RBM47: variants seen among roughly 807,000 people sequenced by gnomAD.
RBM47 encodes RNA binding motif protein 47, also known as RNA-binding protein 47.
RBM47 carries 21 observed loss-of-function variants against 47.1 expected under a neutral mutation model. That is an observed-to-expected ratio of 0.45 (90% CI 0.32 to 0.64). The LOEUF is 0.64. RBM47 is among the 30% of genes least tolerant of loss of function. RBM47 has a pLI of 0.05. For missense variants in RBM47, 708 were observed against 870.9 expected (o/e 0.81, Z 2.35); for synonymous variants, 375 against 361.7 (o/e 1.04, Z -0.42).
intron 1 of RBM47, among the ~76,000 whole-genome samples, chr4:40,592,969 A>G (rs1013803606): frequency 0.13 from 2,794 of 22,240 alleles, 96 homozygotes; most frequent in South Asian, 0.2. Context: ...ATATATATAT[A>G]TATATATATA....
At chr4:40,431,753 A>AC (rs1716109285) in intron 6 of RBM47, among the ~76,000 whole-genome samples, 2 of 62,638 alleles carry the variant, frequency 3.2e-5, no homozygotes, top group Admixed American at 3.8e-4. Context: ...ATACACTATG[A>AC]AAAAGGTGGG....
rs1199535751 is a variant in RBM47, at chr4:40,423,924, G to A, written c.*1980C>T. The A allele has an allele frequency of 6.6e-6, 1 of 152,418 alleles. No individual in the cohort carries two copies. Among genetic ancestry groups the A allele is most frequent in the African/African-American group, 2.4e-5 (1 of 41,372 alleles). The allele number at this position is 152,418 out of a possible 1,614,324, so 9.4% of individuals were successfully genotyped here. ...TCGAGTCACTCATTCCCACAGATTT[G>A]AGTTTGAATGCAGCTTGTGGGGTAC... On this transcript the variant is annotated 3_prime_UTR_variant, in exon 7 of 7. Transcript: ENST00000295971.
At chr4:40,449,071 G>GGC (rs1275137259) in intron 3 of RBM47, among the ~76,000 whole-genome samples, 4 of 152,186 alleles carry the variant, frequency 2.6e-5, no homozygotes, top group Non-Finnish European at 5.9e-5. Flanking sequence ...CCCACTCTCG[G>GGC]GCAGGCCCCT....
chr4:40,573,655 G>A (rs1432968176), intron 1 of RBM47, among the ~76,000 whole-genome samples: 3 of 151,518 alleles, frequency 2.0e-5, no homozygotes, highest in African/African-American at 7.3e-5. Flanking sequence ...GCCTGAACCC[G>A]GGAGGCAGAG....
chr4:40,625,401 G>A (rs1276524545), intron 1 of RBM47, among the ~76,000 whole-genome samples: 1 of 152,130 alleles, frequency 6.6e-6, no homozygotes, highest in African/African-American at 2.4e-5. Flanking sequence ...CTGAAAGGTA[G>A]ATACTTTTTA....
chr4:40,434,608 TCA>T (rs1193865567), intron 5 of RBM47, among the ~76,000 whole-genome samples: 1 of 92,422 alleles, frequency 1.1e-5, no homozygotes, highest in Non-Finnish European at 3.0e-5. Flanking sequence ...AGCTGTGGGA[TCA>T]GTTTTACTTT....
intron 1 of RBM47, among the ~76,000 whole-genome samples, chr4:40,613,350 TA>T (rs555119621): frequency 6.7e-6 from 1 of 149,842 alleles, no homozygotes; most frequent in South Asian, 2.1e-4. Context: ...AGTCCCTCAA[TA>T]AAAAAAAAGT....
intron 3 of RBM47, among the ~76,000 whole-genome samples, chr4:40,457,120 A>C (rs1398108227): frequency 1.3e-5 from 2 of 152,024 alleles, no homozygotes; most frequent in Non-Finnish European, 2.9e-5. Flanking sequence ...AATTTTAAAA[A>C]ATTTTAAAAT....
At chr4:40,441,498 C>A (rs1265257383) in intron 3 of RBM47, among the ~76,000 whole-genome samples, 1 of 152,106 alleles carries the variant, frequency 6.6e-6, no homozygotes, top group Non-Finnish European at 1.5e-5. Flanking sequence ...TTTAAGAGGA[C>A]TATTTGCATA....
intron 2 of RBM47, among the ~76,000 whole-genome samples, chr4:40,498,002 CA>C (rs1236761734): frequency 7.1e-6 from 1 of 141,652 alleles, no homozygotes; most frequent in Non-Finnish European, 1.5e-5. Flanking sequence ...AAACCAAAAC[CA>C]AAACCAAAGT....
At position 40,616,215 on chromosome 4, in the gene RBM47, A is replaced by G. The variant is rs1031854725; in HGVS notation, c.-240+13181T>C. 6.6e-5 allele frequency among the ~76,000 whole-genome samples: 10 copies of G among 152,030 alleles called. 1 individual carries two copies. Among genetic ancestry groups the G allele is most frequent in the Admixed American group, 2.0e-4 (3 of 15,248 alleles). On this transcript the variant is annotated intron_variant, in intron 1 of 6. Coordinates refer to ENST00000295971, the MANE Select transcript of RBM47 (RefSeq NM_001098634.2). ...AAAAACACAAAAAAATTAGCCGGGC[A>G]TGGTGGCGGGCGCCTGTAGTCCCAG...
chr4:40,530,998 T>C (rs1304912836), intron 2 of RBM47, among the ~76,000 whole-genome samples: 1 of 151,970 alleles, frequency 6.6e-6, no homozygotes, highest in East Asian at 1.9e-4. Flanking sequence ...TACTCAGAAA[T>C]TGAGGCAGGA....
At chr4:40,559,452 A>T (rs1304546352) in intron 1 of RBM47, among the ~76,000 whole-genome samples, 1 of 152,242 alleles carries the variant, frequency 6.6e-6, no homozygotes, top group Admixed American at 6.5e-5. Context: ...TTTCTCCCTC[A>T]AGCCCCAAAG....
At chr4:40,470,625 A>G (rs1718718439) in intron 2 of RBM47, among the ~76,000 whole-genome samples, 1 of 152,226 alleles carries the variant, frequency 6.6e-6, no homozygotes, top group Admixed American at 6.5e-5. Context: ...CTCCAGTCTA[A>G]TATCAAGTCA....
At chr4:40,617,283 G>A (rs1035634923) in intron 1 of RBM47, among the ~76,000 whole-genome samples, 2 of 152,062 alleles carry the variant, frequency 1.3e-5, no homozygotes, top group Non-Finnish European at 2.9e-5. Context: ...TTAAGGCCAG[G>A]TGTGATGGCT....
chr4:40,507,449 C>T lies in RBM47; in HGVS notation c.-155+36973G>A, dbSNP rs534286434. 5.3e-5 allele frequency among the ~76,000 whole-genome samples: 8 copies of T among 151,994 alleles called. No homozygotes were observed. The South Asian group carries it at 1.5e-3, about 28-fold the overall frequency. ...TGAAAGTTTTTGAATATATTAATACCATGTGTGTCTGAAAATAACAAGTAT... is the reference window on the plus strand; with the variant it reads ...TGAAAGTTTTTGAATATATTAATACTATGTGTGTCTGAAAATAACAAGTAT... On this transcript the variant is annotated intron_variant, in intron 2 of 6. Transcript: ENST00000295971.
intron 2 of RBM47, among the ~76,000 whole-genome samples, chr4:40,508,905 A>C (rs573052356): frequency 6.6e-6 from 1 of 152,370 alleles, no homozygotes; most frequent in South Asian, 2.1e-4. Context: ...TCACGCCTGT[A>C]ATCCCAGCAC....
chr4:40,439,646 C>A (rs1014268459), intron 3 of RBM47, among the ~76,000 whole-genome samples: 1 of 152,194 alleles, frequency 6.6e-6, no homozygotes, highest in African/African-American at 2.4e-5. Context: ...GCAGCATCTA[C>A]CTGGTAAACC....
intron 5 of RBM47, among the ~76,000 whole-genome samples, chr4:40,434,002 GGT>G (rs1166329290): frequency 0.043 from 1,962 of 45,640 alleles, 288 homozygotes; most frequent in Middle Eastern, 0.078. Context: ...GTGGGGCGGG[GGT>G]GTGTGTGTGT....
Sources: allele counts gnomAD v4.1 joint callset (sites outside exome capture counted in the v4.1 genomes callset), GRCh38; gene constraint gnomAD v4.1.1; transcripts MANE v1.5; gene names NCBI Gene and HGNC (gene_info 2026-07-23, HGNC 2026-07-21).